The following SEC23A variants were observed in gnomAD, a reference collection of about 807,000 sequenced individuals.
SEC23A encodes the protein SEC23 homolog A, COPII component, also known as protein transport protein Sec23A.
In SEC23A, 56 loss-of-function variants were observed where a neutral mutation model predicts 103.7. The observed-to-expected ratio is 0.54, with a 90% confidence interval of 0.44 to 0.67. SEC23A has a LOEUF of 0.67. SEC23A is among the 30% of genes least tolerant of loss of function. The pLI, the probability that SEC23A is intolerant of heterozygous loss-of-function variation, is 0.00. For synonymous variants in SEC23A, 281 were observed against 293.0 expected, an observed-to-expected ratio of 0.96 and a Z score of 0.42; for missense variants, 784 against 936.4, an observed-to-expected ratio of 0.84 and a Z score of 2.12.
intron 5 of SEC23A, chr14:39,088,708 G>C (rs572537298): frequency 6.6e-6 from 1 of 151,948 alleles, no homozygotes; most frequent in African/African-American, 2.4e-5. Context: ...ACTCCAGCCC[G>C]GGTGACAGAG....
intron 15 of SEC23A, among the ~76,000 whole-genome samples, chr14:39,045,684 G>GA (rs1431492725): frequency 6.6e-6 from 1 of 151,962 alleles, no homozygotes; most frequent in East Asian, 1.9e-4. Context: ...TATTTAAAAG[G>GA]AAAAAAACAA....
intron 10 of SEC23A, among the ~76,000 whole-genome samples, chr14:39,066,770 G>A (rs1423239018): frequency 6.6e-6 from 1 of 152,100 alleles, no homozygotes; most frequent in Admixed American, 6.5e-5. Context: ...GGCTGAGGCT[G>A]GAGAATCACT....
rs755662503 is a variant in SEC23A at position 39,067,186 on chromosome 14, G to A, written c.1214C>T (p.Thr405Met). The change falls in exon 10 of 20, where the codon ACG (threonine) becomes ATG (methionine). Residue 405 changes from threonine (T) to methionine (M), a missense_variant. By Grantham distance (81) the Thr-to-Met change is moderately conservative (BLOSUM62 -1). Transcript: ENST00000307712. ...TTTGGTTCTTACCTTTATTTCTAGC[G>A]TACCACCAAAGCCCATTTTAAACTG... ...HGQFKMGFGG[T>M]LEIKTSREIK... is the part of the protein sequence containing the mutation. The A allele has an allele frequency of 2.1e-5, 34 of 1,613,452 alleles. No homozygotes were observed. In the Middle Eastern group the frequency reaches 4.9e-4, roughly 23 times the overall value.
intron 13 of SEC23A, 70 bp from the exon 14 acceptor site, chr14:39,055,366 C>G: frequency 1.4e-6 from 2 of 1,470,936 alleles, no homozygotes; most frequent in Middle Eastern, 3.5e-4. Flanking sequence ...TTGGCTACCA[C>G]ACAAATTTAA....
chr14:39,035,321 T>C (rs952503082), intron 19 of SEC23A, among the ~76,000 whole-genome samples: 4 of 152,350 alleles, frequency 2.6e-5, no homozygotes, highest in Admixed American at 2.0e-4. Context: ...CTCTTATTTA[T>C]GCCTGTAATG....
chr14:39,055,394 T>C (rs931746619), intron 13 of SEC23A, 98 bp from the exon 14 acceptor site: 2 of 1,244,838 alleles, frequency 1.6e-6, no homozygotes, highest in South Asian at 1.3e-5. Context: ...AGATAAAAGA[T>C]ACAGAAACTA....
At chr14:39,084,668 G>GT (rs1287484431) in intron 7 of SEC23A, among the ~76,000 whole-genome samples, 1 of 151,764 alleles carries the variant, frequency 6.6e-6, no homozygotes, top group Non-Finnish European at 1.5e-5. Context: ...AGTACCTTTT[G>GT]TTTTTTGTTT....
At chr14:39,048,760 T>A in intron 14 of SEC23A, 31 bp from the exon 15 acceptor site, 1 of 1,212,458 alleles carries the variant, frequency 8.2e-7, no homozygotes, top group Non-Finnish European at 1.2e-6. Flanking sequence ...TAGTAATTTA[T>A]TTCCTGGAAT....
intron 11 of SEC23A, among the ~76,000 whole-genome samples, chr14:39,063,620 CATA>C (rs1419327572): frequency 6.6e-6 from 1 of 151,910 alleles, no homozygotes; most frequent in African/African-American, 2.4e-5. Context: ...ATAATTTTTA[CATA>C]ATAAAAGTAA....
At chr14:39,101,622 C>CA (rs575911630) in intron 1 of SEC23A, among the ~76,000 whole-genome samples, 5,532 of 88,752 alleles carry the variant, frequency 0.062, 328 homozygotes, top group African/African-American at 0.19. Flanking sequence ...GACTCCGTCT[C>CA]AAAAAAAAAA....
chr14:39,057,367 T>A (rs1373711492), intron 13 of SEC23A, among the ~76,000 whole-genome samples: 4 of 152,154 alleles, frequency 2.6e-5, no homozygotes. Flanking sequence ...GAGATTTTTT[T>A]AAGAGACAAG....
intron 7 of SEC23A, among the ~76,000 whole-genome samples, chr14:39,080,450 A>G (rs527489988): frequency 1.4e-4 from 21 of 152,348 alleles, no homozygotes; most frequent in African/African-American, 4.3e-4. Context: ...TCTGTCGGCC[A>G]GGCTGGAGTG....
At chr14:39,100,354 G>T (rs1474479656) in intron 1 of SEC23A, among the ~76,000 whole-genome samples, 2 of 151,866 alleles carry the variant, frequency 1.3e-5, no homozygotes, top group Non-Finnish European at 2.9e-5. Flanking sequence ...AAATTTGCCA[G>T]GCTTAGTCCC....
At chr14:39,048,562 T>C in intron 15 of SEC23A, 90 bp downstream of exon 15, 1 of 827,308 alleles carries the variant, frequency 1.2e-6, no homozygotes, top group Non-Finnish European at 2.0e-6. Flanking sequence ...ATGGAGCCAC[T>C]ATACTTCAGC....
At chr14:39,076,851 C>T (rs563767081) in intron 7 of SEC23A, among the ~76,000 whole-genome samples, 32 of 150,786 alleles carry the variant, frequency 2.1e-4, no homozygotes, top group African/African-American at 5.1e-4. Flanking sequence ...CGCTTGAACG[C>T]GGGAGGTGGA....
At chr14:39,049,985 G>T (rs1396757386) in intron 14 of SEC23A, among the ~76,000 whole-genome samples, 5 of 151,860 alleles carry the variant, frequency 3.3e-5, no homozygotes, top group African/African-American at 1.2e-4. Context: ...AGCCAGGATG[G>T]TCTCGATCTC....
Position 39,091,913 on chromosome 14 carries a change from G to C in SEC23A, c.367-200C>G, listed in dbSNP as rs115813510. ...GAAAAATTAAGTTTAAGAACATGAGGTATAGTTACACAGAGGGGACTTTCA... is the reference window on the plus strand; with the variant it reads ...GAAAAATTAAGTTTAAGAACATGAGCTATAGTTACACAGAGGGGACTTTCA... On this transcript the variant is annotated intron_variant, in intron 4 of 19. Coordinates refer to ENST00000307712, the MANE Select transcript of SEC23A (RefSeq NM_006364.4). Among the ~76,000 whole-genome samples, 922 of 152,262 alleles carry C rather than the reference G, an allele frequency of 6.1e-3. 9 individuals carry two copies. Among genetic ancestry groups the C allele is most frequent in the African/African-American group, 0.021 (871 of 41,556 alleles).
In SEC23A at chr14:39,085,819, T is replaced by C; in HGVS notation, c.771A>G (p.Gly257=). 6.2e-7 allele frequency: 1 copy of C among 1,613,978 alleles called. No individual in the cohort carries two copies. The highest frequency in any genetic ancestry group is 1.1e-5 in the South Asian group (1 of 91,080). The part of the protein sequence containing the change: ...LQRDPWPVPQ[G]KRPLRSSGVA... ...CCCCAGAGGAACGCAAAGGTCTCTT[T>C]CCCTGTGGTACAGGCCAAGGGTCTC... Residue 257 remains glycine, a synonymous_variant, in exon 7 of 20, where the codon GGA becomes GGG. Transcript: ENST00000307712.
rs538999949 is a variant in SEC23A, at chr14:39,099,868, CT to C, written c.-22+3163del. Among the ~76,000 whole-genome samples the C allele has an allele frequency of 7.6e-3, 1,134 of 149,020 alleles. 17 individuals are homozygous for C. Among genetic ancestry groups the C allele is most frequent in the African/African-American group, 0.023 (942 of 40,670 alleles). On this transcript the variant is annotated intron_variant, in intron 1 of 19. Transcript: ENST00000307712. ...AAAACCCACCTGTCTTCTATTTAGC[CT>C]TTTTTTTTTCTCTTTGGATACTCAA...
Sources: gnomAD v4.1 joint callset for allele counts (sites outside exome capture counted in the v4.1 genomes callset) on GRCh38, gnomAD v4.1.1 for gene constraint, MANE v1.5 for transcripts, NCBI Gene and HGNC (gene_info 2026-07-23, HGNC 2026-07-21) for gene names.